PPP1R21: variants seen among roughly 807,000 people sequenced by gnomAD.
The protein encoded by PPP1R21 is KLRAQ motif containing 1.
In PPP1R21, 85 loss-of-function variants were observed where a neutral mutation model predicts 112.8. The observed-to-expected ratio is 0.75, with a 90% CI of 0.63 to 0.90. The LOEUF is 0.90. PPP1R21 is among the 40% of genes least tolerant of loss of function. The probability of loss-of-function intolerance (pLI) is 0.00; values close to 1 mark genes in which losing one functional copy is unlikely to be tolerated. For missense variants in PPP1R21, 1,199 were observed against 901.5 expected (o/e 1.33, Z -4.23); for synonymous variants, 381 against 322.3 (o/e 1.18, Z -1.95).
chr2:48,462,298 T>C (rs1373132942), intron 7 of PPP1R21, among the ~76,000 whole-genome samples: 2 of 152,142 alleles, frequency 1.3e-5, no homozygotes, highest in African/African-American at 4.8e-5. Context: ...GATGCAAAAA[T>C]TGGTAAGTCA....
At chr2:48,508,525 G>GCTA (rs1280703627) in intron 19 of PPP1R21, among the ~76,000 whole-genome samples, 4 of 152,144 alleles carry the variant, frequency 2.6e-5, no homozygotes, top group African/African-American at 9.7e-5. Context: ...GATCAGTAGT[G>GCTA]ACAGCTTGTT....
Position 48,451,069 on chromosome 2 carries a change from C to G in PPP1R21, c.119C>G (p.Ala40Gly). The change falls in exon 2 of 22, where the codon GCT becomes GGT. Residue 40 changes from alanine (A) to glycine (G), a missense_variant. Physicochemically the swap from Ala to Gly is moderately conservative, Grantham distance 60. Coordinates refer to ENST00000294952, the MANE Select transcript of PPP1R21 (RefSeq NM_001135629.3). ...GVVDEQANSAALKEQLKMKDQ... is the reference protein window; with the variant it reads ...GVVDEQANSAGLKEQLKMKDQ... Reference sequence around the variant, plus strand: ...GTGGATGAACAAGCAAATTCTGCAGCTTTAAAGGTGGGCAACAGGATATTT... The same window carrying G: ...GTGGATGAACAAGCAAATTCTGCAGGTTTAAAGGTGGGCAACAGGATATTT... 6.2e-7 allele frequency: 1 copy of G among 1,612,798 alleles called. No homozygotes were observed. The highest frequency in any genetic ancestry group is 1.3e-5 in the African/African-American group (1 of 74,994).
intron 9 of PPP1R21, among the ~76,000 whole-genome samples, chr2:48,467,445 C>T (rs1165685932): frequency 2.0e-5 from 3 of 152,154 alleles, no homozygotes; most frequent in African/African-American, 7.2e-5. Context: ...ACAGTTGCTG[C>T]GGGTCAAGAA....
chr2:48,481,107 G>C (rs1668991099), intron 13 of PPP1R21, among the ~76,000 whole-genome samples: 2 of 152,298 alleles, frequency 1.3e-5, no homozygotes, highest in South Asian at 4.1e-4. Context: ...TTCTGCCTCA[G>C]CCTCCCAAGT....
chr2:48,475,281 A>G (rs1022423617), intron 12 of PPP1R21, among the ~76,000 whole-genome samples: 3 of 152,212 alleles, frequency 2.0e-5, no homozygotes, highest in African/African-American at 7.2e-5. Context: ...TGAGCCAAGG[A>G]GGTTAAGGCT....
intron 7 of PPP1R21, 94 bp downstream of exon 7, chr2:48,461,326 A>G (rs1558440898): frequency 7.3e-7 from 1 of 1,366,158 alleles, no homozygotes; most frequent in Non-Finnish European, 9.5e-7. Flanking sequence ...TTGGGCAAAA[A>G]ATTTAATTGG....
chr2:48,455,906 C>T (rs766082867), intron 3 of PPP1R21, among the ~76,000 whole-genome samples: 13 of 149,858 alleles, frequency 8.7e-5, no homozygotes, highest in African/African-American at 2.7e-4. Flanking sequence ...TCCAGCTGCT[C>T]GGGGGAGCTG....
chr2:48,505,704 C>A, intron 18 of PPP1R21, 108 bp downstream of exon 18: 4 of 926,670 alleles, frequency 4.3e-6, no homozygotes, highest in South Asian at 4.3e-5. Flanking sequence ...GTTGTTTTTT[C>A]CTGACACTTC....
At chr2:48,484,960 A>G (rs1467132702) in intron 13 of PPP1R21, among the ~76,000 whole-genome samples, 1 of 152,226 alleles carries the variant, frequency 6.6e-6, no homozygotes, top group Non-Finnish European at 1.5e-5. Flanking sequence ...CATTGTATAT[A>G]CTTCCAGTGA....
At chr2:48,490,887 G>C in intron 14 of PPP1R21, 131 bp from the exon 15 acceptor site, 1 of 708,934 alleles carries the variant, frequency 1.4e-6, no homozygotes, top group Non-Finnish European at 2.3e-6. Flanking sequence ...GTGGACTTTG[G>C]GGCAGGTGTT....
At chr2:48,450,905 A>G (rs1193772786) in intron 1 of PPP1R21, 103 bp from the exon 2 acceptor site, 4 of 860,088 alleles carry the variant, frequency 4.7e-6, no homozygotes, top group South Asian at 2.9e-5. Context: ...GTGAGAAGCT[A>G]CTTAGTTACT....
At chr2:48,442,955 G>T (rs1043343040) in intron 1 of PPP1R21, among the ~76,000 whole-genome samples, 1 of 152,134 alleles carries the variant, frequency 6.6e-6, no homozygotes, top group Non-Finnish European at 1.5e-5. Flanking sequence ...GTGAAGGATG[G>T]ATTGAAATAG....
At chr2:48,509,004 A>C (rs1049942753) in intron 19 of PPP1R21, among the ~76,000 whole-genome samples, 1 of 152,192 alleles carries the variant, frequency 6.6e-6, no homozygotes, top group Non-Finnish European at 1.5e-5. Flanking sequence ...TAGCATTTGC[A>C]TGTGTTTCAA....
chr2:48,496,597 C>T (rs531542065), intron 16 of PPP1R21, among the ~76,000 whole-genome samples: 5 of 151,946 alleles, frequency 3.3e-5, no homozygotes, highest in East Asian at 1.9e-4. Flanking sequence ...CCTCCAGAGT[C>T]GCTGGGATTA....
chr2:48,462,689 G>C (rs1003575363), intron 7 of PPP1R21, among the ~76,000 whole-genome samples: 9 of 152,184 alleles, frequency 5.9e-5, no homozygotes, highest in Non-Finnish European at 8.8e-5. Flanking sequence ...TAGTGTTCTG[G>C]TCTAAGGACT....
Position 48,507,516 on chromosome 2 carries a change from T to A in PPP1R21, c.2085+131T>A, listed in dbSNP as rs1670437466. On this transcript the variant is annotated intron_variant, in intron 19 of 21. Coordinates refer to ENST00000294952, the MANE Select transcript of PPP1R21 (RefSeq NM_001135629.3). ...CCAAGTAGCTGGGACTATGGGTGTGTACCACCACGCCCAGCTAATTTTTTG... is the reference window on the plus strand; with the variant it reads ...CCAAGTAGCTGGGACTATGGGTGTGAACCACCACGCCCAGCTAATTTTTTG... The A allele has an allele frequency of 5.1e-6, 7 of 1,359,738 alleles. No individual in the cohort carries two copies. In the Middle Eastern group the frequency reaches 1.3e-3, roughly 261 times the overall value. 84.2% of individuals were successfully genotyped at this position (1,359,738 alleles called of 1,614,324 possible).
chr2:48,474,484 C>T (rs916811065), intron 11 of PPP1R21, among the ~76,000 whole-genome samples, 199 bp from the exon 12 acceptor site: 2 of 152,180 alleles, frequency 1.3e-5, no homozygotes, highest in African/African-American at 4.8e-5. Flanking sequence ...TCCATTTAGT[C>T]ATCTTATATT....
chr2:48,467,586 A>C (rs1218961279), intron 9 of PPP1R21, among the ~76,000 whole-genome samples: 1 of 152,136 alleles, frequency 6.6e-6, no homozygotes, highest in African/African-American at 2.4e-5. Context: ...TTGGCTGGGA[A>C]CCTCAGTTTC....
chr2:48,466,299 C>T (rs924397439), intron 9 of PPP1R21, among the ~76,000 whole-genome samples: 2 of 151,902 alleles, frequency 1.3e-5, no homozygotes, highest in Non-Finnish European at 2.9e-5. Context: ...GCAGCCTCTG[C>T]TTCCTGGGCT....
Sources: allele counts gnomAD v4.1 joint callset (sites outside exome capture counted in the v4.1 genomes callset), GRCh38; gene constraint gnomAD v4.1.1; transcripts MANE v1.5; gene names NCBI Gene and HGNC (gene_info 2026-07-23, HGNC 2026-07-21).